The following SLC25A21 variants were observed in gnomAD, a reference collection of about 807,000 sequenced individuals.
SLC25A21 encodes the protein solute carrier family 25 member 21.
In SLC25A21, 47 loss-of-function variants were observed where a neutral mutation model predicts 43.8. That is an observed-to-expected ratio of 1.07 (90% CI 0.85 to 1.37). The LOEUF (loss-of-function observed/expected upper bound fraction) is 1.37. SLC25A21 is among the 40% of genes most tolerant of loss of function. The pLI is 0.00. For synonymous variants in SLC25A21, 131 were observed against 121.3 expected (o/e 1.08, Z -0.52); for missense variants, 352 against 350.2 (o/e 1.00, Z -0.04).
intron 1 of SLC25A21, among the ~76,000 whole-genome samples, chr14:37,114,822 T>G (rs1313253359): frequency 1.3e-5 from 2 of 152,170 alleles, no homozygotes; most frequent in Non-Finnish European, 2.9e-5. Context: ...TTGGTGGTTT[T>G]CATTCTTGTT....
rs189214935 is a variant in SLC25A21, at chr14:36,838,166, G to A, written c.120-24165C>T. 2.6e-5 allele frequency among the ~76,000 whole-genome samples: 4 copies of A among 152,312 alleles called. No homozygotes were observed. In the East Asian group the frequency reaches 7.7e-4, roughly 29 times the overall value. On this transcript the variant is annotated intron_variant, in intron 2 of 9. Coordinates refer to ENST00000331299, the MANE Select transcript of SLC25A21 (RefSeq NM_030631.4). ...ATGGGGCTGGCCAGAGGCAGGCACA[G>A]TGCACACGGCTGCCAGGGCCTCACT...
At chr14:36,897,055 C>T (rs966699738) in intron 1 of SLC25A21, among the ~76,000 whole-genome samples, 4 of 152,066 alleles carry the variant, frequency 2.6e-5, no homozygotes, top group African/African-American at 9.7e-5. Context: ...TTGTGTTGTT[C>T]TCTGTATTTC....
chr14:36,763,478 G>T (rs1196616581), intron 3 of SLC25A21, among the ~76,000 whole-genome samples: 3 of 152,198 alleles, frequency 2.0e-5, no homozygotes, highest in Admixed American at 6.5e-5. Context: ...TTTTCAAAGA[G>T]AACTCTGCCT....
intron 2 of SLC25A21, chr14:36,870,797 G>A (rs1890347734): frequency 1.3e-5 from 2 of 152,192 alleles, no homozygotes; most frequent in South Asian, 4.2e-4. Context: ...ACCGGTGGGT[G>A]GAGAGGACAT....
At chr14:37,027,890 T>TA (rs1483234797) in intron 1 of SLC25A21, among the ~76,000 whole-genome samples, 1 of 152,164 alleles carries the variant, frequency 6.6e-6, no homozygotes, top group Non-Finnish European at 1.5e-5. Flanking sequence ...TTCCACTGCA[T>TA]AAAAAACTCT....
intron 1 of SLC25A21, among the ~76,000 whole-genome samples, chr14:37,152,500 C>A (rs1167466502): frequency 6.6e-6 from 1 of 151,652 alleles, no homozygotes; most frequent in Non-Finnish European, 1.5e-5. Flanking sequence ...CTGCTTCAGC[C>A]TCCTGACTAG....
chr14:36,745,155 C>T (rs1885440772), intron 3 of SLC25A21, among the ~76,000 whole-genome samples: 1 of 151,986 alleles, frequency 6.6e-6, no homozygotes, highest in African/African-American at 2.4e-5. Context: ...CATCCATGTC[C>T]CTGAAAAGGA....
chr14:36,959,018 T>C (rs988447499), intron 1 of SLC25A21, among the ~76,000 whole-genome samples: 5 of 152,184 alleles, frequency 3.3e-5, no homozygotes, highest in African/African-American at 1.2e-4. Flanking sequence ...TATTCAAGCA[T>C]GGAAGGAGGA....
chr14:36,730,369 G>A (rs1884769370), intron 4 of SLC25A21, among the ~76,000 whole-genome samples: 1 of 152,022 alleles, frequency 6.6e-6, no homozygotes, highest in Admixed American at 6.6e-5. Context: ...TTTTGCTCCT[G>A]GGTAGCATGT....
At chr14:37,004,145 T>C (rs1469109302) in intron 1 of SLC25A21, among the ~76,000 whole-genome samples, 3 of 152,194 alleles carry the variant, frequency 2.0e-5, no homozygotes, top group African/African-American at 7.2e-5. Flanking sequence ...ATGTTCTCTG[T>C]GGCGTTAAGA....
intron 2 of SLC25A21, among the ~76,000 whole-genome samples, chr14:36,857,395 C>A (rs1258277965): frequency 6.6e-6 from 1 of 152,200 alleles, no homozygotes; most frequent in Non-Finnish European, 1.5e-5. Context: ...TTACTGACTG[C>A]CCGGCTGAGA....
At chr14:37,089,223 A>C (rs1962538926) in intron 1 of SLC25A21, among the ~76,000 whole-genome samples, 1 of 152,176 alleles carries the variant, frequency 6.6e-6, no homozygotes, top group South Asian at 2.1e-4. Flanking sequence ...TAGACTTTCT[A>C]AATTTAGGTT....
intron 1 of SLC25A21, among the ~76,000 whole-genome samples, chr14:37,036,923 G>A (rs988072578): frequency 2.6e-5 from 4 of 152,318 alleles, no homozygotes; most frequent in East Asian, 1.9e-4. Flanking sequence ...TTTCTGAAGC[G>A]GAGGATGCTG....
At chr14:36,999,608 T>A (rs936110650) in intron 1 of SLC25A21, among the ~76,000 whole-genome samples, 2 of 152,004 alleles carry the variant, frequency 1.3e-5, no homozygotes, top group Admixed American at 6.6e-5. Context: ...TATGCATGAG[T>A]GGAAGTAGAG....
At chr14:37,043,959 G>C (rs1195346347) in intron 1 of SLC25A21, among the ~76,000 whole-genome samples, 1 of 123,640 alleles carries the variant, frequency 8.1e-6, no homozygotes, top group Non-Finnish European at 1.6e-5. Flanking sequence ...TTTTTTTTTG[G>C]TGGAGACATG....
chr14:36,977,359 C>A (rs1032421337), intron 1 of SLC25A21, among the ~76,000 whole-genome samples: 1 of 152,020 alleles, frequency 6.6e-6, no homozygotes, highest in Non-Finnish European at 1.5e-5. Context: ...CTTAGAAGGC[C>A]CCCCTGTACA....
At chr14:36,796,209 G>C (rs909930682) in intron 3 of SLC25A21, among the ~76,000 whole-genome samples, 1 of 152,122 alleles carries the variant, frequency 6.6e-6, no homozygotes, top group Non-Finnish European at 1.5e-5. Context: ...ATCTCTGCAT[G>C]TCAAAGCATT....
chr14:37,040,599 T>C (rs910362098), intron 1 of SLC25A21, among the ~76,000 whole-genome samples: 2 of 151,628 alleles, frequency 1.3e-5, no homozygotes, highest in African/African-American at 4.9e-5. Context: ...ATCTAAATAA[T>C]AATAAAAAAT....
chr14:36,943,547 C>T (rs942451873), intron 1 of SLC25A21, among the ~76,000 whole-genome samples: 1 of 152,130 alleles, frequency 6.6e-6, no homozygotes, highest in Non-Finnish European at 1.5e-5. Flanking sequence ...TCAGAGCACA[C>T]AAATGAACTA....
Sources: gnomAD v4.1 joint callset for allele counts (sites outside exome capture counted in the v4.1 genomes callset) on GRCh38, gnomAD v4.1.1 for gene constraint, MANE v1.5 for transcripts, NCBI Gene and HGNC (gene_info 2026-07-23, HGNC 2026-07-21) for gene names.